Variants in SPAG1 observed in about 807,000 individuals in gnomAD.
The protein encoded by SPAG1 is sperm-associated antigen 1.
A neutral mutation model predicts 100.5 loss-of-function variants in SPAG1; 69 were observed. That is an observed-to-expected ratio of 0.69 (90% CI 0.57 to 0.84). The LOEUF is 0.84. SPAG1 is among the 40% of genes least tolerant of loss of function. SPAG1 has a pLI of 0.00. For synonymous variants in SPAG1, 336 were observed against 411.6 expected, an observed-to-expected ratio of 0.82 and a Z score of 2.22; for missense variants, 955 against 1,133.1, an observed-to-expected ratio of 0.84 and a Z score of 2.26.
chr8:100,231,383 C>A, intron 15 of SPAG1, 95 bp downstream of exon 15: 1 of 876,424 alleles, frequency 1.1e-6, no homozygotes, highest in Non-Finnish European at 1.7e-6. Flanking sequence ...AAGTAATTGC[C>A]AAAGTTTTTT....
chr8:100,220,687 T>G (rs1427543642), intron 13 of SPAG1, among the ~76,000 whole-genome samples: 1 of 148,884 alleles, frequency 6.7e-6, no homozygotes, highest in Non-Finnish European at 1.5e-5. Flanking sequence ...TCAATCAGTA[T>G]TTTTTTTTGG....
At position 100,187,041 on chromosome 8, in the gene SPAG1, G is replaced by A. The variant is rs979021366; in HGVS notation, c.702-79G>A. On this transcript the variant is annotated intron_variant, in intron 7 of 18. Coordinates refer to ENST00000388798, the MANE Select transcript of SPAG1 (RefSeq NM_003114.5). ...CATAGACAGGTTATAATTGTTTTATGTATAACTGAAGCTGAATTTCTCTAC... is the reference window on the plus strand; with the variant it reads ...CATAGACAGGTTATAATTGTTTTATATATAACTGAAGCTGAATTTCTCTAC... The A allele has an allele frequency of 5.0e-6, 7 of 1,412,540 alleles. No homozygotes were observed. In the Admixed American group the frequency reaches 1.3e-4, roughly 26 times the overall value. The allele number at this position is 1,412,540 out of a possible 1,614,324, so 87.5% of individuals were successfully genotyped here.
At chr8:100,183,593 T>C (rs1484972225) in intron 5 of SPAG1, among the ~76,000 whole-genome samples, 157 bp downstream of exon 5, 4 of 152,146 alleles carry the variant, frequency 2.6e-5, no homozygotes, top group African/African-American at 7.2e-5. Context: ...CTCAGCACTT[T>C]TGATGTTTTT....
intron 3 of SPAG1, among the ~76,000 whole-genome samples, chr8:100,175,762 G>A (rs1043609335): frequency 1.3e-5 from 2 of 152,160 alleles, no homozygotes; most frequent in African/African-American, 4.8e-5. Context: ...GTCCCTTAGT[G>A]GCAAGGTACA....
At chr8:100,196,990 A>G (rs1817060000) in intron 10 of SPAG1, among the ~76,000 whole-genome samples, 1 of 151,978 alleles carries the variant, frequency 6.6e-6, no homozygotes, top group African/African-American at 2.4e-5. Flanking sequence ...TCCTGGGCCA[A>G]AGATTCTCCC....
At chr8:100,190,147 A>G (rs1816752656) in intron 8 of SPAG1, among the ~76,000 whole-genome samples, 1 of 151,964 alleles carries the variant, frequency 6.6e-6, no homozygotes, top group Non-Finnish European at 1.5e-5. Flanking sequence ...CGTCTCTACT[A>G]AAAATACCAA....
At chr8:100,208,126 G>A (rs893492359) in intron 10 of SPAG1, among the ~76,000 whole-genome samples, 3 of 152,142 alleles carry the variant, frequency 2.0e-5, no homozygotes, top group African/African-American at 7.2e-5. Context: ...CTGGCCTAGA[G>A]GTCTTAGTTC....
At chr8:100,227,841 ATT>A (rs34049816) in intron 14 of SPAG1, among the ~76,000 whole-genome samples, 18 of 103,764 alleles carry the variant, frequency 1.7e-4, no homozygotes, top group Middle Eastern at 6.5e-3. Flanking sequence ...ATTGTGTCAG[ATT>A]TTTTTTTTTT....
chr8:100,212,664 T>C (rs964930639), intron 10 of SPAG1, among the ~76,000 whole-genome samples: 1 of 152,212 alleles, frequency 6.6e-6, no homozygotes, highest in Non-Finnish European at 1.5e-5. Flanking sequence ...CTCCTAATCT[T>C]TTAAAATAAG....
chr8:100,166,056 C>T (rs1815537034), intron 3 of SPAG1, 83 bp downstream of exon 3: 1 of 1,264,874 alleles, frequency 7.9e-7, no homozygotes, highest in Non-Finnish European at 1.1e-6. Flanking sequence ...TCCTAGGCTT[C>T]TTGTTTGTCC....
Position 100,222,020 on chromosome 8 carries a change from C to T in SPAG1, c.1688+1589C>T, listed in dbSNP as rs145313457. Among the ~76,000 whole-genome samples, 212 of 152,340 alleles carry T rather than the reference C, an allele frequency of 1.4e-3. 1 individual carries two copies. Among genetic ancestry groups the T allele is most frequent in the African/African-American group, 4.8e-3 (201 of 41,574 alleles). On this transcript the variant is annotated intron_variant, in intron 13 of 18. Coordinates refer to ENST00000388798, the MANE Select transcript of SPAG1 (RefSeq NM_003114.5). ...TGAGACGTCTTGAACCTCTGGCACCCACAGCCTCCTTGACCTTGAGCTTCC... is the reference window on the plus strand; with the variant it reads ...TGAGACGTCTTGAACCTCTGGCACCTACAGCCTCCTTGACCTTGAGCTTCC...
intron 13 of SPAG1, among the ~76,000 whole-genome samples, chr8:100,224,724 G>A (rs2132402652): frequency 6.6e-6 from 1 of 152,288 alleles, no homozygotes; most frequent in Non-Finnish European, 1.5e-5. Context: ...AACCACAGTA[G>A]TTGGTAATGT....
chr8:100,194,744 C>T (rs543109581), intron 10 of SPAG1: 5 of 210,692 alleles, frequency 2.4e-5, no homozygotes, highest in Admixed American at 1.7e-4. Context: ...TATAATTTAA[C>T]ACTTGAAACA....
At chr8:100,228,851 CTAGGTTTAAAACTT>C (rs1818635762) in intron 14 of SPAG1, among the ~76,000 whole-genome samples, 1 of 150,750 alleles carries the variant, frequency 6.6e-6, no homozygotes, top group African/African-American at 2.4e-5. Flanking sequence ...AACTTATTAC[CTAGGTTTAAAACTT>C]TAAATTTTAA....
intron 10 of SPAG1, among the ~76,000 whole-genome samples, chr8:100,205,097 A>G (rs905100065): frequency 6.6e-6 from 1 of 152,216 alleles, no homozygotes; most frequent in Non-Finnish European, 1.5e-5. Context: ...CAAATGGACA[A>G]AAGACTAATT....
intron 15 of SPAG1, 145 bp downstream of exon 15, chr8:100,231,433 C>A: frequency 1.8e-6 from 1 of 560,340 alleles, no homozygotes; most frequent in Non-Finnish European, 3.0e-6. Context: ...CTGTCCTAAC[C>A]AAGTGTGTCT....
chr8:100,229,005 G>T (rs1818642233), intron 14 of SPAG1, among the ~76,000 whole-genome samples: 1 of 152,188 alleles, frequency 6.6e-6, no homozygotes, highest in South Asian at 2.1e-4. Flanking sequence ...AACTCATTAA[G>T]ACTTAGGCTG....
At chr8:100,237,354 A>G (rs1444540443) in intron 16 of SPAG1, among the ~76,000 whole-genome samples, 1 of 151,912 alleles carries the variant, frequency 6.6e-6, no homozygotes, top group Non-Finnish European at 1.5e-5. Context: ...GTGCTGGGAC[A>G]CACTTTCTAT....
chr8:100,162,605 A>T (rs1276118868), intron 2 of SPAG1, among the ~76,000 whole-genome samples, 185 bp downstream of exon 2: 1 of 152,222 alleles, frequency 6.6e-6, no homozygotes, highest in East Asian at 1.9e-4. Flanking sequence ...CCAGCATGAG[A>T]CGCAGGCTAA....
Sources: gnomAD v4.1 joint callset for allele counts (sites outside exome capture counted in the v4.1 genomes callset) on GRCh38, gnomAD v4.1.1 for gene constraint, MANE v1.5 for transcripts, NCBI Gene and HGNC (gene_info 2026-07-23, HGNC 2026-07-21) for gene names.